The following LPGAT1 variants were observed in gnomAD, a reference collection of about 807,000 sequenced individuals.
The protein encoded by LPGAT1 is acyl-CoA:lysophosphatidylglycerol acyltransferase 1.
Under a neutral mutation model 47.5 loss-of-function variants are expected in LPGAT1, and 11 were observed. That is an observed-to-expected ratio of 0.23 (90% CI 0.15 to 0.38). The LOEUF (loss-of-function observed/expected upper bound fraction) is 0.38, where lower values mean the gene tolerates loss of function less well. Ranked by LOEUF, LPGAT1 falls within the 10% of genes least tolerant of loss-of-function variation. LPGAT1 has a pLI of 1.00. For synonymous variants in LPGAT1, 138 were observed against 144.2 expected (o/e 0.96, Z 0.31); for missense variants, 293 against 439.0 (o/e 0.67, Z 2.97).
chr1:211,828,980 C>T, intron 2 of LPGAT1, 79 bp downstream of exon 2: 3 of 1,437,866 alleles, frequency 2.1e-6, no homozygotes, highest in Non-Finnish European at 9.5e-7. Flanking sequence ...CATCCTCAAC[C>T]CAAAGTGTAA....
intron 5 of LPGAT1, among the ~76,000 whole-genome samples, chr1:211,779,431 C>T (rs983767701): frequency 6.6e-5 from 10 of 151,034 alleles, no homozygotes; most frequent in African/African-American, 2.2e-4. Context: ...AAATCATTCA[C>T]TAAATATAAT....
chr1:211,818,447 T>C (rs539889595), intron 2 of LPGAT1, among the ~76,000 whole-genome samples: 16 of 152,288 alleles, frequency 1.1e-4, no homozygotes, highest in African/African-American at 3.9e-4. Context: ...TAGCTGGAAA[T>C]GTGGAATTTG....
rs749026633 is a variant in LPGAT1, at chr1:211,751,057, T to C, written c.865A>G (p.Ile289Val). ...TCAGTCTCCAGGGGTACATCTTTAA[T>C]TGGAAAGATCCTATTAAGGGTTAGA... ...VTHVHYRIFP[I>V]KDVPLETDDL... is the part of the protein sequence containing the mutation. Residue 289 changes from isoleucine to valine, a missense_variant, in exon 7 of 8, where the codon ATT (isoleucine) becomes GTT (valine). Transcript: ENST00000366997. 4 of 1,607,988 alleles carry C rather than the reference T, an allele frequency of 2.5e-6. No homozygotes were observed. The highest frequency in any genetic ancestry group is 2.6e-6 in the Non-Finnish European group (3 of 1,174,846).
At chr1:211,797,051 T>C (rs1040139597) in intron 2 of LPGAT1, among the ~76,000 whole-genome samples, 2 of 151,998 alleles carry the variant, frequency 1.3e-5, no homozygotes, top group South Asian at 4.2e-4. Context: ...AGGTCAGGAG[T>C]TCGGGACCAG....
intron 2 of LPGAT1, among the ~76,000 whole-genome samples, chr1:211,795,263 T>C (rs56074728): frequency 0.087 from 13,205 of 152,328 alleles, 667 homozygotes; most frequent in Admixed American, 0.15. Context: ...TGGAATATTA[T>C]GCAAACATAG....
At chr1:211,799,261 A>G (rs1050780423) in intron 2 of LPGAT1, among the ~76,000 whole-genome samples, 3 of 152,142 alleles carry the variant, frequency 2.0e-5, no homozygotes, top group African/African-American at 7.2e-5. Flanking sequence ...AGCAGATATT[A>G]TTAAATAGAT....
chr1:211,824,818 A>G (rs943058542), intron 2 of LPGAT1, among the ~76,000 whole-genome samples: 10 of 152,228 alleles, frequency 6.6e-5, no homozygotes, highest in Non-Finnish European at 8.8e-5. Context: ...AACTTTCCGT[A>G]GAATTTCAAA....
chr1:211,795,365 T>C (rs1226436978), intron 2 of LPGAT1, among the ~76,000 whole-genome samples: 3 of 152,168 alleles, frequency 2.0e-5, no homozygotes, highest in African/African-American at 4.8e-5. Flanking sequence ...GTTTTTTGTT[T>C]GTTTGGTTTT....
At position 211,829,067 on chromosome 1, in the gene LPGAT1, C is replaced by T. The variant is rs759081626; in HGVS notation, c.230G>A (p.Gly77Glu). The T allele has an allele frequency of 1.2e-6, 2 of 1,613,994 alleles. No individual in the cohort carries two copies. The highest frequency in any genetic ancestry group is 3.3e-5 in the Admixed American group (2 of 60,008). Residue 77 changes from glycine (G) to glutamate (E), a missense_variant, in exon 2 of 8, where the codon GGA becomes GAA. Physicochemically the swap from Gly to Glu is moderately conservative, Grantham distance 98. Transcript: ENST00000366997. ...GMVASWGWYA[G>E]YTVMEWGEDI... The stretch of plus-strand genomic sequence containing the variant: ...AGTGTTCTCACTCTTACCTGTATAT[C>T]CAGCATACCATCCCCAGGAAGCTAC...
chr1:211,758,449 T>C (rs972357962), intron 6 of LPGAT1, among the ~76,000 whole-genome samples: 2 of 152,214 alleles, frequency 1.3e-5, no homozygotes, highest in Non-Finnish European at 2.9e-5. Context: ...ACACCTGTAA[T>C]CCCAGCATTT....
intron 2 of LPGAT1, among the ~76,000 whole-genome samples, chr1:211,814,318 T>G (rs552713430): frequency 6.6e-6 from 1 of 152,144 alleles, no homozygotes; most frequent in Non-Finnish European, 1.5e-5. Flanking sequence ...GAGTGGAAAC[T>G]GGAGCAGTGT....
chr1:211,778,831 G>A, intron 6 of LPGAT1, 87 bp downstream of exon 6: 4 of 1,086,670 alleles, frequency 3.7e-6, no homozygotes, highest in Non-Finnish European at 5.0e-6. Context: ...TTTCTACTGT[G>A]TGATTAAAAA....
At chr1:211,796,018 T>G (rs143948562) in intron 2 of LPGAT1, among the ~76,000 whole-genome samples, 3 of 152,180 alleles carry the variant, frequency 2.0e-5, no homozygotes, top group African/African-American at 7.2e-5. Context: ...CATCACCAAA[T>G]AGTCCTTTAA....
rs562645626 is a variant in LPGAT1 at position 211,779,607 on chromosome 1, T to C, written c.728-563A>G. The stretch of plus-strand genomic sequence containing the variant: ...AGCTCACGCCTATAATCCCAGAACT[T>C]TGGAAGGCAGAGGTGGGCGGATCAC... On this transcript the variant is annotated intron_variant, in intron 5 of 7. Coordinates refer to ENST00000366997, the MANE Select transcript of LPGAT1 (RefSeq NM_014873.3). Among the ~76,000 whole-genome samples the C allele has an allele frequency of 3.9e-5, 6 of 152,114 alleles. No homozygotes were observed. The South Asian group carries it at 1.2e-3, about 32-fold the overall frequency.
At chr1:211,758,634 C>T (rs1015963205) in intron 6 of LPGAT1, among the ~76,000 whole-genome samples, 6 of 151,952 alleles carry the variant, frequency 3.9e-5, no homozygotes, top group Admixed American at 6.5e-5. Flanking sequence ...ACCCAGGAGG[C>T]GGAGCTTGCA....
intron 3 of LPGAT1, among the ~76,000 whole-genome samples, chr1:211,791,361 T>C (rs1367434716): frequency 3.3e-5 from 5 of 152,210 alleles, no homozygotes; most frequent in Non-Finnish European, 5.9e-5. Flanking sequence ...CTACTCATCC[T>C]TCAAGGCCAA....
At chr1:211,796,425 G>A (rs529262390) in intron 2 of LPGAT1, among the ~76,000 whole-genome samples, 2 of 152,270 alleles carry the variant, frequency 1.3e-5, no homozygotes, top group African/African-American at 4.8e-5. Flanking sequence ...TTGAAGTGAC[G>A]CACCTACAAG....
At chr1:211,772,675 G>A (rs1658222088) in intron 6 of LPGAT1, among the ~76,000 whole-genome samples, 1 of 152,044 alleles carries the variant, frequency 6.6e-6, no homozygotes, top group African/African-American at 2.4e-5. Flanking sequence ...TAATCCACTG[G>A]GGTCTGAAAA....
chr1:211,791,792 A>C (rs1206918631), intron 3 of LPGAT1, among the ~76,000 whole-genome samples: 2 of 146,806 alleles, frequency 1.4e-5, no homozygotes, highest in Non-Finnish European at 3.1e-5. Context: ...AAAAACAAAA[A>C]AAAACATTGT....
Sources: allele counts gnomAD v4.1 joint callset (sites outside exome capture counted in the v4.1 genomes callset), GRCh38; gene constraint gnomAD v4.1.1; transcripts MANE v1.5; gene names NCBI Gene and HGNC (gene_info 2026-07-23, HGNC 2026-07-21).